TAF3: variants seen among roughly 807,000 people sequenced by gnomAD.
The protein encoded by TAF3 is TATA-box binding protein associated factor 3.
In TAF3, 7 loss-of-function variants were observed where a neutral mutation model predicts 80.6. That is an observed-to-expected ratio of 0.09 (90% CI 0.05 to 0.16). The LOEUF is 0.16. Among genes scored for constraint, TAF3 ranks in the 10% least tolerant of loss-of-function variants. The pLI is 1.00. For synonymous variants in TAF3, 444 were observed against 446.1 expected (o/e 1.00, Z 0.06); for missense variants, 921 against 1,140.2 (o/e 0.81, Z 2.77).
intron 2 of TAF3, among the ~76,000 whole-genome samples, chr10:7,920,109 C>T (rs1220845500): frequency 3.3e-5 from 5 of 151,662 alleles, no homozygotes; most frequent in East Asian, 1.9e-4. Context: ...AAAAATTAGC[C>T]GGGCATGTTG....
intron 2 of TAF3, among the ~76,000 whole-genome samples, chr10:7,949,563 A>C (rs1198705728): frequency 6.6e-6 from 1 of 152,202 alleles, no homozygotes; most frequent in African/African-American, 2.4e-5. Flanking sequence ...TAATAACTAG[A>C]ACAATGTCTT....
At chr10:7,903,153 G>A (rs1339491634) in intron 2 of TAF3, among the ~76,000 whole-genome samples, 1 of 152,162 alleles carries the variant, frequency 6.6e-6, no homozygotes, top group Admixed American at 6.5e-5. Flanking sequence ...CTAGAAAGTC[G>A]AGGCTGCAGT....
intron 3 of TAF3, among the ~76,000 whole-genome samples, chr10:7,974,401 T>C (rs1028414692): frequency 5.3e-5 from 8 of 152,216 alleles, no homozygotes; most frequent in Non-Finnish European, 1.0e-4. Context: ...GGTTATTTAG[T>C]TGAAAATGTT....
intron 2 of TAF3, among the ~76,000 whole-genome samples, chr10:7,873,713 T>C (rs908146917): frequency 1.1e-4 from 16 of 150,890 alleles, no homozygotes; most frequent in Admixed American, 9.3e-4. Context: ...GACCAGGTAT[T>C]TTGAAGAATC....
chr10:7,838,366 T>TTGTTG (rs1554775943), intron 2 of TAF3, among the ~76,000 whole-genome samples: 6 of 151,516 alleles, frequency 4.0e-5, no homozygotes, highest in Non-Finnish European at 8.8e-5. Context: ...TTTGTTTTTT[T>TTGTTG]TTGTTGTTGT....
At chr10:7,900,445 G>T (rs17143077) in intron 2 of TAF3, among the ~76,000 whole-genome samples, 1 of 152,144 alleles carries the variant, frequency 6.6e-6, no homozygotes, top group Non-Finnish European at 1.5e-5. Flanking sequence ...CTTTGTACAT[G>T]ACTGCTACTC....
At chr10:7,988,488 C>T (rs552104449) in intron 4 of TAF3, among the ~76,000 whole-genome samples, 1 of 143,024 alleles carries the variant, frequency 7.0e-6, no homozygotes, top group South Asian at 2.3e-4. Flanking sequence ...AGGAGAATCA[C>T]TTGAACCCAG....
At chr10:7,937,046 T>C (rs1044012326) in intron 2 of TAF3, among the ~76,000 whole-genome samples, 1 of 152,218 alleles carries the variant, frequency 6.6e-6, no homozygotes, top group Non-Finnish European at 1.5e-5. Context: ...CTGAATAATA[T>C]TCCGTTGTCT....
At chr10:7,999,102 T>C (rs1230717334) in intron 4 of TAF3, among the ~76,000 whole-genome samples, 1 of 151,832 alleles carries the variant, frequency 6.6e-6, no homozygotes, top group Non-Finnish European at 1.5e-5. Context: ...GGAAGGAAGG[T>C]AGGCAGGGAG....
intron 4 of TAF3, among the ~76,000 whole-genome samples, chr10:8,006,822 G>A (rs895982607): frequency 1.1e-4 from 16 of 152,208 alleles, no homozygotes; most frequent in African/African-American, 2.7e-4. Flanking sequence ...AGCAACAGCC[G>A]TGAACATGGC....
chr10:7,891,318 A>T (rs11255426), intron 2 of TAF3, among the ~76,000 whole-genome samples: 86,133 of 152,064 alleles, frequency 0.57, 26,105 homozygotes, highest in East Asian at 0.72. Context: ...ATTAAGGTGT[A>T]CATAGTAAAA....
In TAF3 at chr10:7,964,638, G is replaced by A; in HGVS notation, c.1128G>A (p.Gln376=). 2 of 1,614,172 alleles carry A rather than the reference G, an allele frequency of 1.2e-6. No homozygotes were observed. Among genetic ancestry groups the A allele is most frequent in the Non-Finnish European group, 1.7e-6 (2 of 1,180,026 alleles). Residue 376 remains glutamine, a synonymous_variant, in exon 3 of 7, where the codon CAG becomes CAA. Transcript: ENST00000344293. The surrounding 1 kb of genome is among the most constrained non-coding windows in gnomAD (Gnocchi z 4.1). ...PDAGKLNSEN[Q]PKKAVVADKT... is the part of the protein sequence containing the mutation. Reference sequence around the variant, plus strand: ...CTGGGAAACTGAACAGTGAGAATCAGCCGAAAAAGGCTGTGGTAGCAGATA... The same window carrying A: ...CTGGGAAACTGAACAGTGAGAATCAACCGAAAAAGGCTGTGGTAGCAGATA...
At chr10:7,971,187 A>ACATC (rs1431424619) in intron 3 of TAF3, among the ~76,000 whole-genome samples, 6 of 152,318 alleles carry the variant, frequency 3.9e-5, no homozygotes, top group African/African-American at 1.4e-4. Flanking sequence ...CCACAACTGC[A>ACATC]CATCTTCTGA....
In TAF3 at chr10:7,833,726, C is replaced by A. The variant is rs543012262; in HGVS notation, c.409+9166C>A. 1.3e-5 allele frequency: 3 copies of A among 224,028 alleles called. No homozygotes were observed. In the South Asian group the frequency reaches 3.5e-4, roughly 26 times the overall value. 13.9% of individuals were successfully genotyped at this position (224,028 alleles called of 1,614,324 possible). A position where few individuals can be genotyped will look rare whatever the true frequency, so the allele number is the denominator to read the frequency against. On this transcript the variant is annotated intron_variant, in intron 2 of 6. Coordinates refer to ENST00000344293, the MANE Select transcript of TAF3 (RefSeq NM_031923.4). ...AGCAACTAGCAAAGGCTCTGAAATT[C>A]TTCTCCTCAGTGGTGACTTGAGCTT...
At chr10:7,870,357 A>G (rs1837252870) in intron 2 of TAF3, among the ~76,000 whole-genome samples, 1 of 152,162 alleles carries the variant, frequency 6.6e-6, no homozygotes, top group Non-Finnish European at 1.5e-5. Context: ...ATCCATCAGG[A>G]TATGTTCTCT....
At chr10:7,953,536 G>A (rs1838104303) in intron 2 of TAF3, among the ~76,000 whole-genome samples, 2 of 152,134 alleles carry the variant, frequency 1.3e-5, no homozygotes, top group Non-Finnish European at 2.9e-5. Flanking sequence ...GGTTGAACTT[G>A]GCTCTGTGAA....
intron 2 of TAF3, among the ~76,000 whole-genome samples, chr10:7,913,879 T>C (rs1040120112): frequency 1.3e-5 from 2 of 152,180 alleles, no homozygotes; most frequent in African/African-American, 4.8e-5. Flanking sequence ...CAGATAGAGA[T>C]TAAGTGATAC....
chr10:7,872,191 A>T (rs1350425909), intron 2 of TAF3, among the ~76,000 whole-genome samples: 1 of 147,328 alleles, frequency 6.8e-6, no homozygotes, highest in Non-Finnish European at 1.5e-5. Context: ...CACTGTTGTA[A>T]CATGGTAGAA....
At chr10:7,919,363 A>G (rs2131187120) in intron 2 of TAF3, among the ~76,000 whole-genome samples, 1 of 152,300 alleles carries the variant, frequency 6.6e-6, no homozygotes. Context: ...TGGTCCTACC[A>G]AGTCCTTGCT....
Sources: allele counts gnomAD v4.1 joint callset (sites outside exome capture counted in the v4.1 genomes callset), GRCh38; gene constraint gnomAD v4.1.1; non-coding constraint Gnocchi (gnomAD v3.1); transcripts MANE v1.5; gene names NCBI Gene and HGNC (gene_info 2026-07-23, HGNC 2026-07-21).